The following ABHD18 variants were observed in gnomAD, a reference collection of about 807,000 sequenced individuals.
The protein encoded by ABHD18 is cardiolipin-specific deacylase, mitochondrial.
Under a neutral mutation model 65.9 loss-of-function variants are expected in ABHD18, and 55 were observed. The observed-to-expected ratio is 0.84, with a 90% CI of 0.67 to 1.05. The LOEUF (loss-of-function observed/expected upper bound fraction) is 1.05, where lower values mean the gene tolerates loss of function less well. ABHD18 is among the 50% of genes least tolerant of loss of function. The pLI, the probability that ABHD18 is intolerant of heterozygous loss-of-function variation, is 0.00. For missense variants in ABHD18, 533 were observed against 558.5 expected (o/e 0.95, Z 0.46); for synonymous variants, 181 against 180.2 (o/e 1.00, Z -0.04).
intron 1 of ABHD18, among the ~76,000 whole-genome samples, chr4:127,974,355 G>A (rs1747486969): frequency 6.7e-6 from 1 of 150,300 alleles, no homozygotes; most frequent in Non-Finnish European, 1.5e-5. Flanking sequence ...ACACCACTAT[G>A]GACCACTGCA....
chr4:127,975,248 C>T (rs909142133), intron 1 of ABHD18, among the ~76,000 whole-genome samples: 1 of 152,140 alleles, frequency 6.6e-6, no homozygotes, highest in African/African-American at 2.4e-5. Context: ...CACCATCCAT[C>T]TCCAGTTTTC....
intron 12 of ABHD18, among the ~76,000 whole-genome samples, chr4:128,032,850 A>G (rs949254438): frequency 6.6e-6 from 1 of 152,230 alleles, no homozygotes. Context: ...AAAGGGACAT[A>G]CATTACATGT....
intron 3 of ABHD18, among the ~76,000 whole-genome samples, chr4:127,986,821 T>C (rs1426711526): frequency 3.9e-5 from 6 of 152,216 alleles, no homozygotes; most frequent in Admixed American, 3.9e-4. Flanking sequence ...CAAGTGTGAA[T>C]TGGCCATTTA....
At chr4:128,008,664 T>G (rs1754051584) in intron 4 of ABHD18, among the ~76,000 whole-genome samples, 1 of 152,170 alleles carries the variant, frequency 6.6e-6, no homozygotes, top group Non-Finnish European at 1.5e-5. Context: ...GTTATGATAT[T>G]GAACAAGGTA....
rs573183164 is a variant in ABHD18 at position 128,011,928 on chromosome 4, G to A, written c.470+228G>A. 1.1e-3 allele frequency among the ~76,000 whole-genome samples: 168 copies of A among 151,628 alleles called. No homozygotes were observed. Among genetic ancestry groups the A allele is most frequent in the African/African-American group, 3.9e-3 (161 of 41,366 alleles). On this transcript the variant is annotated intron_variant, in intron 7 of 12. Transcript: ENST00000645843. ...ATACAATAAAAAATTTTAACAGGTA[G>A]ACTTAATATATAGTTTAGTTGTGAA... is the stretch of plus-strand genomic sequence containing the variant.
rs745384841 is a variant in ABHD18 at position 128,020,158 on chromosome 4, G to T, written c.688G>T (p.Val230Phe). The change falls in exon 9 of 13, where the codon GTC becomes TTC. Residue 230 changes from valine to phenylalanine, a missense_variant. Coordinates refer to ENST00000645843, the MANE Select transcript of ABHD18 (RefSeq NM_001358451.3). ...CCTGTCTTGGTCCACAGCATCTGGG[G>T]TCTTCACTACGGTAATTTAATTGTA... ...PCLSWSTASG[V>F]FTTGVLSKSI... 2.5e-6 allele frequency: 4 copies of T among 1,612,158 alleles called. No individual in the cohort carries two copies. Among genetic ancestry groups the T allele is most frequent in the Non-Finnish European group, 3.4e-6 (4 of 1,178,574 alleles).
intron 10 of ABHD18, among the ~76,000 whole-genome samples, chr4:128,027,273 T>C (rs1757508521): frequency 6.6e-6 from 1 of 152,190 alleles, no homozygotes; most frequent in East Asian, 1.9e-4. Context: ...CACACAACAA[T>C]GAAACCACCT....
rs1022397676 is a variant in ABHD18, at chr4:128,037,837, C to G, written c.*2024C>G. On this transcript the variant is annotated 3_prime_UTR_variant, in exon 13 of 13. Transcript: ENST00000645843. ...GTTTTATGTAATAGCTATTAACTCT[C>G]TTAAATGGGGTTTATATGGCTCGAT... is the stretch of plus-strand genomic sequence containing the variant. 1.3e-5 allele frequency: 2 copies of G among 152,056 alleles called. No individual in the cohort carries two copies. Among genetic ancestry groups the G allele is most frequent in the Admixed American group, 6.6e-5 (1 of 15,238 alleles). The allele number at this position is 152,056 out of a possible 1,614,324, so 9.4% of individuals were successfully genotyped here.
chr4:127,966,704 A>C (rs866226195), intron 1 of ABHD18, among the ~76,000 whole-genome samples: 40 of 37,040 alleles, frequency 1.1e-3, no homozygotes, highest in African/African-American at 3.2e-3. Context: ...TAAAAATACA[A>C]AAAAAAAAAA....
intron 3 of ABHD18, among the ~76,000 whole-genome samples, chr4:127,985,022 A>G (rs1002553118): frequency 6.6e-6 from 1 of 152,228 alleles, no homozygotes; most frequent in Non-Finnish European, 1.5e-5. Flanking sequence ...CTTTAGGCTC[A>G]GGAGGGTTAA....
intron 1 of ABHD18, among the ~76,000 whole-genome samples, chr4:127,970,874 A>G (rs897333039): frequency 6.6e-6 from 1 of 152,036 alleles, no homozygotes; most frequent in Non-Finnish European, 1.5e-5. Flanking sequence ...CAGGAGTTCC[A>G]GACCAGCCTG....
intron 3 of ABHD18, among the ~76,000 whole-genome samples, chr4:127,986,718 A>C (rs947522307): frequency 6.6e-6 from 1 of 152,118 alleles, no homozygotes; most frequent in Non-Finnish European, 1.5e-5. Flanking sequence ...ATACTCACCA[A>C]CCTTGTACTT....
rs1491380654 is a variant in ABHD18, at chr4:128,039,144, C to CGTGTATATAT, written c.*3331_*3332insGTGTATATAT. ...TATGTATTATATATACACACATATG[C>CGTGTATATAT]ATATATATATATATATATATATATA... On this transcript the variant is annotated 3_prime_UTR_variant, in exon 13 of 13. Coordinates refer to ENST00000645843, the MANE Select transcript of ABHD18 (RefSeq NM_001358451.3). 1.0e-5 allele frequency: 1 copy of CGTGTATATAT among 99,738 alleles called. No homozygotes were observed. The highest frequency in any genetic ancestry group is 5.2e-3 in the Middle Eastern group (1 of 192). The allele number at this position is 99,738 out of a possible 1,614,324, so 6.2% of individuals were successfully genotyped here. A position where few individuals can be genotyped will look rare whatever the true frequency, so the allele number is the denominator to read the frequency against.
chr4:128,018,461 T>C (rs896584244), intron 8 of ABHD18, among the ~76,000 whole-genome samples: 5 of 151,776 alleles, frequency 3.3e-5, no homozygotes, highest in African/African-American at 9.7e-5. Context: ...AGACCCACCC[T>C]GTCTCTACAA....
In ABHD18 at chr4:128,028,609, T is replaced by G; in HGVS notation, c.936T>G (p.Ala312=). The G allele has an allele frequency of 6.2e-7, 1 of 1,613,942 alleles. No homozygotes were observed. The change falls in exon 11 of 13, where the codon GCT becomes GCG. Residue 312 remains alanine (A), a synonymous_variant. Coordinates refer to ENST00000645843, the MANE Select transcript of ABHD18 (RefSeq NM_001358451.3). ...ACCAAGTTGTATCCCAAAAACCTGC[T>G]GACTGCCATAATTCTAGCAAAACAT... ...ISNQVVSQKP[A]DCHNSSKTSV...
At chr4:128,011,258 C>T (rs1457089386) in intron 6 of ABHD18, among the ~76,000 whole-genome samples, 1 of 151,580 alleles carries the variant, frequency 6.6e-6, no homozygotes, top group African/African-American at 2.4e-5. Flanking sequence ...ACACCATTCT[C>T]CTGCCTCAGC....
At chr4:127,985,055 T>C (rs1017552850) in intron 3 of ABHD18, among the ~76,000 whole-genome samples, 7 of 152,044 alleles carry the variant, frequency 4.6e-5, no homozygotes, top group African/African-American at 1.7e-4. Flanking sequence ...TACAGAACAA[T>C]AGTGAGTATT....
At chr4:127,997,371 G>A (rs1003475577) in intron 4 of ABHD18, among the ~76,000 whole-genome samples, 1 of 152,036 alleles carries the variant, frequency 6.6e-6, no homozygotes, top group Non-Finnish European at 1.5e-5. Context: ...GAGTGTTAAA[G>A]ACTTACATTT....
chr4:127,994,146 C>T (rs1751363252), intron 4 of ABHD18, among the ~76,000 whole-genome samples: 1 of 152,148 alleles, frequency 6.6e-6, no homozygotes, highest in South Asian at 2.1e-4. Context: ...AGTTTTAAGA[C>T]TGCTTAAGAT....
Sources: allele counts gnomAD v4.1 joint callset (sites outside exome capture counted in the v4.1 genomes callset), GRCh38; gene constraint gnomAD v4.1.1; transcripts MANE v1.5; gene names NCBI Gene and HGNC (gene_info 2026-07-23, HGNC 2026-07-21).